CHD7: variants seen among roughly 807,000 people sequenced by gnomAD.
The protein encoded by CHD7 is ATP-dependent chromatin remodeler CHD7.
A neutral mutation model predicts 307.3 loss-of-function variants in CHD7; 24 were observed. The ratio of observed to expected loss-of-function variants is 0.08; its 90% CI spans 0.06 to 0.11. CHD7 has a LOEUF of 0.11. Among genes scored for constraint, CHD7 ranks in the 10% least tolerant of loss-of-function variants. The probability of loss-of-function intolerance (pLI) is 1.00; values close to 1 mark genes in which losing one functional copy is unlikely to be tolerated. For missense variants in CHD7, 3,106 were observed against 3,727.1 expected, an observed-to-expected ratio of 0.83 and a Z score of 4.34; for synonymous variants, 1,363 against 1,349.9, an observed-to-expected ratio of 1.01 and a Z score of -0.21.
intron 4 of CHD7, among the ~76,000 whole-genome samples, chr8:60,796,678 C>T (rs1812051839): frequency 6.6e-6 from 1 of 150,958 alleles, no homozygotes; most frequent in Non-Finnish European, 1.5e-5. Flanking sequence ...TTCAAGTGAA[C>T]ATTGATGTAT....
chr8:60,815,146 C>T (rs1206790604), intron 7 of CHD7, among the ~76,000 whole-genome samples: 1 of 151,892 alleles, frequency 6.6e-6, no homozygotes, highest in Non-Finnish European at 1.5e-5. Context: ...ATCCTTTTTT[C>T]CCTCAATTAT....
chr8:60,798,183 G>A (rs1239187366), intron 4 of CHD7, among the ~76,000 whole-genome samples: 1 of 152,172 alleles, frequency 6.6e-6, no homozygotes, highest in Non-Finnish European at 1.5e-5. Flanking sequence ...AAGTATTGCA[G>A]ATGGCAGAAT....
At position 60,852,910 on chromosome 8, in the gene CHD7, G is replaced by A. The variant is rs762055675; in HGVS notation, c.6185G>A (p.Arg2062Gln). 6.8e-6 allele frequency: 11 copies of A among 1,613,876 alleles called. No homozygotes were observed. Among genetic ancestry groups the A allele is most frequent in the Admixed American group, 3.3e-5 (2 of 60,004 alleles). The stretch of plus-strand genomic sequence containing the variant: ...ACTCTGTACCGCATTGAGCTGCTAC[G>A]GAAGATCCGCGAGCAGGTTCTCCAT... ...SRTLYRIELL[R>Q]KIREQVLHHP... The change falls in exon 31 of 38, where the codon CGG (arginine) becomes CAG (glutamine). Residue 2062 changes from arginine to glutamine, a missense_variant. Arg to Gln is a conservative substitution (Grantham distance 43). Around this residue, in one of 10 missense-constraint regions of CHD7, gnomAD observed 1,030 missense variants for 1,165.4 expected, o/e 0.88. Transcript: ENST00000423902.
At position 60,842,017 on chromosome 8, in the gene CHD7, A is replaced by G; in HGVS notation, c.4815A>G (p.Glu1605=). 1.2e-6 allele frequency: 2 copies of G among 1,613,936 alleles called. No individual in the cohort carries two copies. The highest frequency in any genetic ancestry group is 1.1e-5 in the South Asian group (1 of 91,072). ...QDKSQGYARS[E]CFRVEKNLLV... ...AGTCACAGGGCTATGCAAGGAGTGA[A>G]TGTTTCAGGGTGGAGAAGAATCTGC... is the stretch of plus-strand genomic sequence containing the variant. The change falls in exon 21 of 38, where the codon GAA becomes GAG. Residue 1605 remains glutamate (E), a synonymous_variant. Coordinates refer to ENST00000423902, the MANE Select transcript of CHD7 (RefSeq NM_017780.4).
chr8:60,862,400 C>G, intron 36 of CHD7, 64 bp downstream of exon 36: 1 of 1,537,584 alleles, frequency 6.5e-7, no homozygotes, highest in Non-Finnish European at 8.8e-7. Flanking sequence ...AGTGTTTTAT[C>G]CTGCCTTCTT....
intron 2 of CHD7, among the ~76,000 whole-genome samples, chr8:60,755,315 TA>T (rs548840267): frequency 1.4e-4 from 22 of 152,290 alleles, no homozygotes; most frequent in African/African-American, 5.1e-4. Context: ...TTTTTATCCA[TA>T]AAAAACATTT....
chr8:60,734,353 G>C (rs751339534), intron 1 of CHD7, among the ~76,000 whole-genome samples: 6 of 152,172 alleles, frequency 3.9e-5, no homozygotes, highest in Non-Finnish European at 7.3e-5. Flanking sequence ...GGTGCCAGGG[G>C]TCCTGTCTCT....
chr8:60,827,987 CAT>C (rs1197054333), intron 13 of CHD7, among the ~76,000 whole-genome samples: 1 of 151,902 alleles, frequency 6.6e-6, no homozygotes, highest in African/African-American at 2.4e-5. Flanking sequence ...TTCTGTATTG[CAT>C]ATATGAAAAT....
chr8:60,740,686 A>G (rs899706863), intron 1 of CHD7, among the ~76,000 whole-genome samples: 1 of 152,216 alleles, frequency 6.6e-6, no homozygotes, highest in African/African-American at 2.4e-5. Context: ...TTGCAGTTAC[A>G]TAGTTGTATG....
At chr8:60,696,410 T>A (rs369917859) in intron 1 of CHD7, among the ~76,000 whole-genome samples, 1 of 152,322 alleles carries the variant, frequency 6.6e-6, no homozygotes, top group Non-Finnish European at 1.5e-5. Context: ...ACTTACTAGT[T>A]CTATGTGACT....
chr8:60,760,330 A>C (rs1431369618), intron 2 of CHD7, among the ~76,000 whole-genome samples: 1 of 151,252 alleles, frequency 6.6e-6, no homozygotes, highest in African/African-American at 2.4e-5. Context: ...TACACCTTAT[A>C]CAAAAATCAA....
intron 2 of CHD7, among the ~76,000 whole-genome samples, chr8:60,750,134 C>G (rs1046373531): frequency 1.3e-5 from 2 of 152,130 alleles, no homozygotes; most frequent in Non-Finnish European, 2.9e-5. Context: ...TATGTGACAT[C>G]AAAAATTTTG....
At chr8:60,820,392 ATC>A (rs767333944) in intron 9 of CHD7, among the ~76,000 whole-genome samples, 29 of 152,216 alleles carry the variant, frequency 1.9e-4, no homozygotes, top group Non-Finnish European at 3.7e-4. Context: ...TTTGGTATAA[ATC>A]TGTCATGTAG....
intron 3 of CHD7, among the ~76,000 whole-genome samples, chr8:60,786,973 C>T (rs917951066): frequency 6.6e-6 from 1 of 152,064 alleles, no homozygotes; most frequent in Admixed American, 6.5e-5. Flanking sequence ...ATGTAGAAGT[C>T]TATGTGACTT....
chr8:60,778,947 TTTAG>T (rs1439038819), intron 2 of CHD7, among the ~76,000 whole-genome samples: 3 of 152,152 alleles, frequency 2.0e-5, no homozygotes, highest in Non-Finnish European at 4.4e-5. Flanking sequence ...TTTGGCAGTG[TTTAG>T]TTAGTTGTGT....
chr8:60,785,579 G>A (rs1208638745), intron 3 of CHD7, among the ~76,000 whole-genome samples: 1 of 152,188 alleles, frequency 6.6e-6, no homozygotes, highest in Admixed American at 6.5e-5. Context: ...AGCTTACAGA[G>A]TAGCAACGTT....
chr8:60,865,485 A>G lies in CHD7; in HGVS notation c.8546A>G (p.Glu2849Gly). The part of the protein sequence containing the change: ...STSKGEEKGN[E>G]NEDENKDSEK... ...TCAAAAGGAGAGGAGAAAGGAAATG[A>G]GAATGAAGACGAGAACAAAGACTCT... is the stretch of plus-strand genomic sequence containing the variant. Residue 2849 changes from glutamate to glycine, a missense_variant, in exon 38 of 38, where the codon GAG becomes GGG. Glu to Gly is a moderately conservative substitution (Grantham distance 98). Transcript: ENST00000423902. The surrounding 1 kb of genome is among the most constrained non-coding windows in gnomAD (Gnocchi z 4.3). 5 of 1,614,060 alleles carry G rather than the reference A, an allele frequency of 3.1e-6. No homozygotes were observed. Among genetic ancestry groups the G allele is most frequent in the Non-Finnish European group, 4.2e-6 (5 of 1,179,902 alleles).
chr8:60,789,123 C>G (rs925191776), intron 3 of CHD7, among the ~76,000 whole-genome samples: 20 of 152,200 alleles, frequency 1.3e-4, no homozygotes, highest in African/African-American at 4.8e-4. Flanking sequence ...TAGACACTCT[C>G]CTCTGCCAGT....
chr8:60,753,021 C>A (rs373830440), intron 2 of CHD7, among the ~76,000 whole-genome samples: 12 of 152,158 alleles, frequency 7.9e-5, no homozygotes, highest in Non-Finnish European at 1.3e-4. Flanking sequence ...TTTAAATTGG[C>A]CCATTACTAA....
Sources: gnomAD v4.1 joint callset for allele counts (sites outside exome capture counted in the v4.1 genomes callset) on GRCh38, gnomAD v4.1.1 for gene constraint, gnomAD v4.1.1 regional missense constraint, Gnocchi (gnomAD v3.1) non-coding constraint, MANE v1.5 for transcripts, NCBI Gene and HGNC (gene_info 2026-07-23, HGNC 2026-07-21) for gene names.